The following ATAD2 variants were observed in gnomAD, a reference collection of about 807,000 sequenced individuals.
ATAD2 encodes the protein ATPase family AAA domain containing 2, also known as ATPase family AAA domain-containing protein 2.
Under a neutral mutation model 168.9 loss-of-function variants are expected in ATAD2, and 62 were observed. The ratio of observed to expected loss-of-function variants is 0.37; its 90% CI spans 0.30 to 0.45. ATAD2 has a LOEUF of 0.45. Ranked by LOEUF, ATAD2 falls within the 20% of genes least tolerant of loss-of-function variation. ATAD2 has a pLI of 1.00. For missense variants in ATAD2, 1,419 were observed against 1,667.8 expected, an observed-to-expected ratio of 0.85 and a Z score of 2.60; for synonymous variants, 613 against 571.6, an observed-to-expected ratio of 1.07 and a Z score of -1.03.
At position 123,328,371 on chromosome 8, in the gene ATAD2, C is replaced by G; in HGVS notation, c.3687G>C (p.Gln1229His). Residue 1229 changes from glutamine to histidine, a missense_variant, in exon 25 of 28, where the codon CAG becomes CAC. Physicochemically the swap from Gln to His is conservative, Grantham distance 24. Around this residue, in one of 5 missense-constraint regions of ATAD2, gnomAD observed 303 missense variants for 304.3 expected, o/e 1.00. Transcript: ENST00000287394. ...CCAGTTTGCTTTCAGAGGCATTTTG[C>G]TGTTTTTCATTTTCTTCCACCGAAG... Reference protein sequence around the residue: ...GESSVEENEKQQNASESKLEL... With the variant: ...GESSVEENEKHQNASESKLEL... 1 of 1,601,632 alleles carries G rather than the reference C, an allele frequency of 6.2e-7. No homozygotes were observed. The highest frequency in any genetic ancestry group is 8.5e-7 in the Non-Finnish European group (1 of 1,176,046).
chr8:123,334,504 T>A (rs780203273), intron 22 of ATAD2, among the ~76,000 whole-genome samples, 182 bp from the exon 23 acceptor site: 10 of 152,258 alleles, frequency 6.6e-5, no homozygotes, highest in Non-Finnish European at 1.0e-4. Flanking sequence ...GTTCTGGACA[T>A]CTGATTCAAT....
At chr8:123,389,067 C>T (rs952658275) in intron 1 of ATAD2, among the ~76,000 whole-genome samples, 4 of 150,870 alleles carry the variant, frequency 2.7e-5, no homozygotes, top group African/African-American at 7.3e-5. Flanking sequence ...CCTGGGTTCA[C>T]GCCATTCTCC....
upstream of ATAD2, chr8:123,401,335 GA>G: frequency 1.4e-6 from 2 of 1,393,810 alleles, no homozygotes; most frequent in Non-Finnish European, 2.0e-6. Context: ...CACCTGTGAG[GA>G]TGACAAATAC....
chr8:123,391,268 T>G (rs930073438), intron 1 of ATAD2, among the ~76,000 whole-genome samples: 6 of 151,162 alleles, frequency 4.0e-5, no homozygotes, highest in African/African-American at 1.5e-4. Context: ...AATAGAAGTT[T>G]TAAAAAAACA....
chr8:123,345,472 G>A (rs1271993268), intron 18 of ATAD2, among the ~76,000 whole-genome samples: 1 of 150,416 alleles, frequency 6.6e-6, no homozygotes, highest in Non-Finnish European at 1.5e-5. Context: ...GACCATCCTG[G>A]GCAACATGGT....
intron 24 of ATAD2, among the ~76,000 whole-genome samples, chr8:123,328,879 C>A (rs951103603): frequency 1.2e-4 from 17 of 145,928 alleles, no homozygotes; most frequent in South Asian, 2.1e-4. Flanking sequence ...CGGCTCACTG[C>A]AAGCTCTGCC....
intron 7 of ATAD2, 69 bp downstream of exon 7, chr8:123,369,752 C>CA (rs1829083686): frequency 6.1e-6 from 8 of 1,317,460 alleles, no homozygotes; most frequent in Non-Finnish European, 8.5e-6. Flanking sequence ...ACAAGAATAA[C>CA]AGAGAAGAAA....
Position 123,370,904 on chromosome 8 carries a change from C to A in ATAD2, c.726G>T (p.Val242=), listed in dbSNP as rs1171044977. Residue 242 remains valine (V), a splice_region_variant and synonymous_variant, in exon 6 of 28, where the codon GTG becomes GTT. Transcript: ENST00000287394. ...GACAGAACAAGAGAAGAGACTAACC[C>A]ACACTGCCTTCTTGATTATCAGTTG... ...EETTDNQEGS[V]ESSEEGEDQE... 6.3e-7 allele frequency: 1 copy of A among 1,598,988 alleles called. No homozygotes were observed. The highest frequency in any genetic ancestry group is 1.7e-5 in the Admixed American group (1 of 57,520).
chr8:123,357,311 C>G (rs1021852870), intron 12 of ATAD2, among the ~76,000 whole-genome samples: 1 of 152,188 alleles, frequency 6.6e-6, no homozygotes. Context: ...GATTACCACT[C>G]TCTTCCTATA....
intron 14 of ATAD2, 36 bp downstream of exon 14, chr8:123,349,249 T>C (rs1311888935): frequency 6.3e-7 from 1 of 1,589,580 alleles, no homozygotes; most frequent in Admixed American, 1.8e-5. Flanking sequence ...AACAGCAATA[T>C]ATTTTGTCAA....
chr8:123,400,588 C>T, upstream of ATAD2: 1 of 552,548 alleles, frequency 1.8e-6, no homozygotes, highest in Non-Finnish European at 3.4e-6. This position sits in a 1 kb window ranked among gnomAD's most constrained non-coding sequence, Gnocchi z 4.5. Flanking sequence ...GACAGACTAC[C>T]TGATGAGCCA....
At position 123,408,812 on chromosome 8, in the gene ATAD2, C is replaced by T. The variant is rs1269705439; in HGVS notation, c.-2282+7436G>A. On this transcript the variant is annotated intron_variant, in intron 1 of 28. Coordinates refer to the ATAD2 transcript ENST00000521903. ...GATTACAGGCGTGAGCCACCGTGCC[C>T]GGCCTGGAAGATATATTCTTTTTTT... Among the ~76,000 whole-genome samples, 5 of 151,298 alleles carry T rather than the reference C, an allele frequency of 3.3e-5. 1 individual carries two copies. Among genetic ancestry groups the T allele is most frequent in the Admixed American group, 2.0e-4 (3 of 15,186 alleles).
At position 123,339,286 on chromosome 8, in the gene ATAD2, T is replaced by C. The variant is rs1204412527; in HGVS notation, c.2854+25A>G. On this transcript the variant is annotated intron_variant, in intron 20 of 27. Transcript: ENST00000287394. ...TTCCTACTTTCTCAAAATTATTAAA[T>C]ATTAACTTTGATATAGAAACTAACC... 2.0e-6 allele frequency: 3 copies of C among 1,481,250 alleles called. No individual in the cohort carries two copies. In the South Asian group the frequency reaches 3.8e-5, roughly 19 times the overall value. The allele number at this position is 1,481,250 out of a possible 1,614,324, so 91.8% of individuals were successfully genotyped here.
rs754818388 is a variant in ATAD2 at position 123,347,195 on chromosome 8, G to A, written c.2109C>T (p.Thr703=). 11 of 1,613,998 alleles carry A rather than the reference G, an allele frequency of 6.8e-6. No homozygotes were observed. The highest frequency in any genetic ancestry group is 2.2e-5 in the East Asian group (1 of 44,900). The change falls in exon 16 of 28, where the codon ACC becomes ACT. Residue 703 remains threonine, a synonymous_variant. Transcript: ENST00000287394. ...TGTTTTGCAGGAGTGGTTTCACAAC[G>A]GTGGACAGTGCCTGCCCAGGTGATG... ...AVTSPGQALS[T]VVKPLLQNTV...
At chr8:123,361,758 T>C in intron 8 of ATAD2, 112 bp from the exon 9 acceptor site, 1 of 757,278 alleles carries the variant, frequency 1.3e-6, no homozygotes, top group Non-Finnish European at 2.1e-6. Context: ...ATAAAATTAA[T>C]ACATCTGCTG....
intron 26 of ATAD2, among the ~76,000 whole-genome samples, chr8:123,323,906 A>G (rs1827540061): frequency 1.3e-5 from 2 of 152,188 alleles, no homozygotes; most frequent in Admixed American, 1.3e-4. Context: ...AAATAGTCTC[A>G]GTAATGAATT....
chr8:123,396,552 C>T (rs1462251974), upstream of ATAD2: 25 of 587,960 alleles, frequency 4.3e-5, no homozygotes, highest in Non-Finnish European at 6.4e-5. Flanking sequence ...TCGAAACTCT[C>T]CTCCCATTTG....
At chr8:123,339,542 T>C (rs1828009364) in intron 19 of ATAD2, 96 bp from the exon 20 acceptor site, 1 of 1,163,984 alleles carries the variant, frequency 8.6e-7, no homozygotes, top group Admixed American at 2.8e-5. Context: ...TACAGCAGCA[T>C]GAAAGTGACA....
At chr8:123,352,645 G>T (rs1828505253) in intron 13 of ATAD2, 1 of 147,852 alleles carries the variant, frequency 6.8e-6, no homozygotes, top group Non-Finnish European at 1.5e-5. Context: ...GCACTGGAAA[G>T]AAAATTTATG....
Sources: allele counts gnomAD v4.1 joint callset (sites outside exome capture counted in the v4.1 genomes callset), GRCh38; gene constraint gnomAD v4.1.1; regional missense constraint gnomAD v4.1.1; non-coding constraint Gnocchi (gnomAD v3.1); transcripts MANE v1.5; gene names NCBI Gene and HGNC (gene_info 2026-07-23, HGNC 2026-07-21).